ROBO2: variants seen among roughly 807,000 people sequenced by gnomAD.
The protein encoded by ROBO2 is roundabout guidance receptor 2.
A neutral mutation model predicts 160.8 loss-of-function variants in ROBO2; 53 were observed. The observed-to-expected ratio is 0.33, with a 90% CI of 0.26 to 0.41. The LOEUF is 0.41. Ranked by LOEUF, ROBO2 falls within the 10% of genes least tolerant of loss-of-function variation. ROBO2 has a pLI of 1.00. For synonymous variants in ROBO2, 664 were observed against 611.7 expected (o/e 1.09, Z -1.26); for missense variants, 1,577 against 1,722.4 (o/e 0.92, Z 1.49).
rs2079939030 is a variant in ROBO2, at chr3:76,493,337, T to TGATATATATATATATATA, written c.109+555735_109+555736insGATATATATATATATATA. 2.9e-5 allele frequency among the ~76,000 whole-genome samples: 3 copies of TGATATATATATATATATA among 104,830 alleles called. No homozygotes were observed. The South Asian group carries it at 9.1e-4, about 32-fold the overall frequency. The allele number at this position is 104,830 out of a possible 152,430, so 68.8% of individuals were successfully genotyped here. Reference sequence around the variant, plus strand: ...GAACCCAAAACATGTAGACAAAAAATTATATATATATATATATATATATAT... The same window carrying TGATATATATATATATATA: ...GAACCCAAAACATGTAGACAAAAAATGATATATATATATATATATATATATATATATATATATATATAT... On this transcript the variant is annotated intron_variant, in intron 2 of 26. Transcript: ENST00000487694.
intron 2 of ROBO2, among the ~76,000 whole-genome samples, chr3:77,384,687 A>G (rs1301245184): frequency 1.3e-5 from 2 of 152,238 alleles, no homozygotes; most frequent in Non-Finnish European, 2.9e-5. Context: ...TAATAAATTA[A>G]TGAGCAGATA....
At chr3:77,528,866 G>C (rs1458477498) in intron 6 of ROBO2, among the ~76,000 whole-genome samples, 1 of 151,584 alleles carries the variant, frequency 6.6e-6, no homozygotes. Flanking sequence ...GAAAATTGAA[G>C]AATATATTGT....
At chr3:77,116,818 C>T (rs2150228865) in intron 2 of ROBO2, among the ~76,000 whole-genome samples, 1 of 152,242 alleles carries the variant, frequency 6.6e-6, no homozygotes, top group African/African-American at 2.4e-5. Flanking sequence ...AGTGATTAAA[C>T]ATATTTATTT....
chr3:76,875,018 T>A (rs2072551000), intron 2 of ROBO2, among the ~76,000 whole-genome samples: 1 of 152,206 alleles, frequency 6.6e-6, no homozygotes. Flanking sequence ...ATGTGTTGAA[T>A]GAAACTAATG....
At chr3:77,522,096 T>C (rs1172360356) in intron 5 of ROBO2, among the ~76,000 whole-genome samples, 1 of 151,250 alleles carries the variant, frequency 6.6e-6, no homozygotes, top group Admixed American at 6.6e-5. Flanking sequence ...CTCATGCAAG[T>C]ACTCCCAAAT....
chr3:76,749,382 T>C lies in ROBO2; in HGVS notation c.110-348632T>C, dbSNP rs527454968. Among the ~76,000 whole-genome samples the C allele has an allele frequency of 3.3e-5, 5 of 152,138 alleles. No individual in the cohort carries two copies. The East Asian group carries it at 7.8e-4, about 24-fold the overall frequency. On this transcript the variant is annotated intron_variant, in intron 2 of 26. Transcript: ENST00000487694. ...AGGCATTCTTAAACTGTAGTTTGCA[T>C]CCTGCTATGGGACATGAAATTATTT...
intron 2 of ROBO2, among the ~76,000 whole-genome samples, chr3:76,100,812 T>G (rs752391097): frequency 2.4e-4 from 37 of 152,184 alleles, no homozygotes; most frequent in Non-Finnish European, 4.3e-4. Flanking sequence ...CCGTACTTTC[T>G]GATTTTCCTG....
intron 2 of ROBO2, among the ~76,000 whole-genome samples, chr3:76,503,026 G>A (rs555755379): frequency 0.01 from 1,559 of 148,876 alleles, 21 homozygotes; most frequent in African/African-American, 0.037. Context: ...GTGTGCGCGC[G>A]CACGCATGTG....
intron 2 of ROBO2, among the ~76,000 whole-genome samples, chr3:76,141,056 C>CATATATATATATATATATAT (rs1467448213): frequency 3.3e-4 from 2 of 6,118 alleles, no homozygotes; most frequent in African/African-American, 3.2e-4. Flanking sequence ...TGTCTTTTTA[C>CATATATATATATATATATAT]ATACATATAT....
intron 2 of ROBO2, among the ~76,000 whole-genome samples, chr3:77,265,522 A>C (rs1041579978): frequency 9.2e-5 from 14 of 152,196 alleles, no homozygotes; most frequent in African/African-American, 3.4e-4. Context: ...AAATGAAAAT[A>C]ATAAATAAAG....
intron 2 of ROBO2, among the ~76,000 whole-genome samples, chr3:77,417,824 A>G (rs1160480017): frequency 6.6e-6 from 1 of 152,150 alleles, no homozygotes; most frequent in Non-Finnish European, 1.5e-5. Context: ...ATGTATATTT[A>G]ATGCAATGCT....
chr3:76,777,672 G>T (rs899985831), intron 2 of ROBO2, among the ~76,000 whole-genome samples: 11 of 150,216 alleles, frequency 7.3e-5, no homozygotes, highest in Admixed American at 6.7e-4. Flanking sequence ...TCTAAAAATT[G>T]CACGTGCTTT....
intron 2 of ROBO2, among the ~76,000 whole-genome samples, chr3:75,975,855 G>A (rs2065120221): frequency 1.3e-5 from 2 of 151,586 alleles, no homozygotes; most frequent in Admixed American, 1.3e-4. Context: ...ATGGGAGACA[G>A]GAAGTAGTAT....
At chr3:77,103,407 C>CT (rs11409908) in intron 2 of ROBO2, among the ~76,000 whole-genome samples, 133,802 of 146,692 alleles carry the variant, frequency 0.91, 61,430 homozygotes, top group Non-Finnish European at 0.97. Context: ...AGAAACCAAT[C>CT]TTTTTTTTTT....
intron 2 of ROBO2, among the ~76,000 whole-genome samples, chr3:76,629,647 T>A (rs530896169): frequency 6.6e-6 from 1 of 152,270 alleles, no homozygotes; most frequent in Admixed American, 6.5e-5. Context: ...GACTCAAATG[T>A]TAAACCCCTT....
intron 2 of ROBO2, among the ~76,000 whole-genome samples, chr3:76,530,824 A>C (rs1408416937): frequency 6.6e-6 from 1 of 152,158 alleles, no homozygotes; most frequent in Non-Finnish European, 1.5e-5. Flanking sequence ...ATCAATAAAG[A>C]CCGTAACAAG....
intron 2 of ROBO2, among the ~76,000 whole-genome samples, chr3:77,125,651 G>A (rs909327518): frequency 2.6e-5 from 4 of 151,966 alleles, no homozygotes; most frequent in African/African-American, 4.8e-5. Flanking sequence ...TTCAGCATGA[G>A]GAAATATGAA....
chr3:76,479,407 A>G (rs2079096474), intron 2 of ROBO2, among the ~76,000 whole-genome samples: 1 of 152,168 alleles, frequency 6.6e-6, no homozygotes, highest in Non-Finnish European at 1.5e-5. Flanking sequence ...GAAATATGAA[A>G]ATCTGCCTTT....
intron 2 of ROBO2, among the ~76,000 whole-genome samples, chr3:76,962,450 C>T (rs2079738494): frequency 6.6e-6 from 1 of 151,850 alleles, no homozygotes; most frequent in Non-Finnish European, 1.5e-5. Context: ...ACCAGCCTGA[C>T]CAACATGGAG....
Sources: gnomAD v4.1 joint callset for allele counts (sites outside exome capture counted in the v4.1 genomes callset) on GRCh38, gnomAD v4.1.1 for gene constraint, MANE v1.5 for transcripts, NCBI Gene and HGNC (gene_info 2026-07-23, HGNC 2026-07-21) for gene names.